ARSK: variants seen among roughly 807,000 people sequenced by gnomAD.
ARSK encodes arylsulfatase K.
A neutral mutation model predicts 53.2 loss-of-function variants in ARSK; 37 were observed. The observed-to-expected ratio is 0.70, with a 90% CI of 0.54 to 0.92. ARSK has a LOEUF of 0.92. ARSK is among the 40% of genes least tolerant of loss of function. The pLI, the probability that ARSK is intolerant of heterozygous loss-of-function variation, is 0.00. For missense variants in ARSK, 613 were observed against 643.0 expected (o/e 0.95, Z 0.51); for synonymous variants, 208 against 223.2 (o/e 0.93, Z 0.61).
Position 95,586,569 on chromosome 5 carries a change from A to G in ARSK, c.707A>G (p.His236Arg), listed in dbSNP as rs370775377. The G allele has an allele frequency of 7.4e-6, 12 of 1,611,418 alleles. No homozygotes were observed. The highest frequency in any genetic ancestry group is 1.3e-5 in the African/African-American group (1 of 74,902). The change falls in exon 5 of 8, where the codon CAT becomes CGT. Residue 236 changes from histidine (H) to arginine (R), a missense_variant. Coordinates refer to ENST00000380009, the MANE Select transcript of ARSK (RefSeq NM_198150.3). ...TSLYWLEKVS[H>R]DAIKIPKWSP... ...TTTTTCTCCCCTTTTTAGGTGTCTC[A>G]TGATGCCATCAAAATCCCAAAGTGG... is the stretch of plus-strand genomic sequence containing the variant.
intron 6 of ARSK, among the ~76,000 whole-genome samples, chr5:95,592,297 T>G (rs1012440163): frequency 2.0e-4 from 31 of 152,140 alleles, no homozygotes; most frequent in African/African-American, 7.5e-4. Context: ...CCTCAATTCA[T>G]AAATTTTGGT....
At chr5:95,592,898 TCCCTTTATC>T (rs1749243235) in intron 6 of ARSK, among the ~76,000 whole-genome samples, 1 of 152,128 alleles carries the variant, frequency 6.6e-6, no homozygotes, top group African/African-American at 2.4e-5. Flanking sequence ...TTTGCTGGTT[TCCCTTTATC>T]CCAAAGTAAT....
At chr5:95,594,076 A>G (rs1049961611) in intron 6 of ARSK, among the ~76,000 whole-genome samples, 2 of 152,218 alleles carry the variant, frequency 1.3e-5, no homozygotes, top group African/African-American at 4.8e-5. Flanking sequence ...TTCACATTGA[A>G]TATTATTTTT....
At position 95,600,354 on chromosome 5, in the gene ARSK, TTTTG is replaced by T. The variant is rs1187305412; in HGVS notation, c.1097-489_1097-486del. On this transcript the variant is annotated intron_variant, in intron 6 of 7. Transcript: ENST00000380009. Reference sequence around the variant, plus strand: ...ATCTACAACAAACTTATGTATTTAATTTTGTTTAACCATTGTTTTGCAAACATAT... The same window carrying T: ...ATCTACAACAAACTTATGTATTTAATTTTAACCATTGTTTTGCAAACATAT... Among the ~76,000 whole-genome samples the T allele has an allele frequency of 3.3e-5, 5 of 152,220 alleles. 1 individual carries two copies. The South Asian group carries it at 6.2e-4, about 19-fold the overall frequency.
intron 4 of ARSK, among the ~76,000 whole-genome samples, chr5:95,584,080 G>T (rs552169449): frequency 6.6e-6 from 1 of 152,206 alleles, no homozygotes; most frequent in Admixed American, 6.5e-5. Flanking sequence ...ATTTACATTT[G>T]ATTTGAATTT....
chr5:95,557,757 C>CA (rs1185883432), intron 1 of ARSK, among the ~76,000 whole-genome samples: 1 of 152,168 alleles, frequency 6.6e-6, no homozygotes, highest in Non-Finnish European at 1.5e-5. Context: ...AAGAAAATAG[C>CA]AAATTGGTTT....
intron 1 of ARSK, among the ~76,000 whole-genome samples, chr5:95,563,881 A>G (rs1748679628): frequency 6.6e-6 from 1 of 152,164 alleles, no homozygotes; most frequent in Admixed American, 6.6e-5. Flanking sequence ...TTGTAACCAT[A>G]AGACATATAT....
At position 95,576,247 on chromosome 5, in the gene ARSK, G is replaced by T. The variant is rs565784597; in HGVS notation, c.417-6669G>T. Among the ~76,000 whole-genome samples, 70 of 143,794 alleles carry T rather than the reference G, an allele frequency of 4.9e-4. 1 individual carries two copies. Among genetic ancestry groups the T allele is most frequent in the African/African-American group, 1.8e-3 (70 of 38,160 alleles). The allele number at this position is 143,794 out of a possible 152,430, so 94.3% of individuals were successfully genotyped here. On this transcript the variant is annotated intron_variant, in intron 3 of 7. Transcript: ENST00000380009. ...TGGATTCTTGCTCTGTCACTAGGCT[G>T]GAGTGCAGTGGCACGATCTCAGCTC...
rs1215886936 is a variant in ARSK, at chr5:95,582,935, A to T, written c.436A>T (p.Thr146Ser). 6.2e-7 allele frequency: 1 copy of T among 1,609,556 alleles called. No individual in the cohort carries two copies. Among genetic ancestry groups the T allele is most frequent in the Non-Finnish European group, 8.5e-7 (1 of 1,176,990 alleles). ...CCTCAGTAATCGTGTGGAAGCGTGGACAAGAGATGTTGCTTTCTTACTCAG... is the reference window on the plus strand; with the variant it reads ...CCTCAGTAATCGTGTGGAAGCGTGGTCAAGAGATGTTGCTTTCTTACTCAG... ...HSISNRVEAW[T>S]RDVAFLLRQE... is the part of the protein sequence containing the mutation. The change falls in exon 4 of 8, where the codon ACA becomes TCA. Residue 146 changes from threonine (T) to serine (S), a missense_variant. Coordinates refer to ENST00000380009, the MANE Select transcript of ARSK (RefSeq NM_198150.3).
At chr5:95,594,834 C>T (rs994980052) in intron 6 of ARSK, among the ~76,000 whole-genome samples, 2 of 116,286 alleles carry the variant, frequency 1.7e-5, no homozygotes, top group South Asian at 6.5e-4. Flanking sequence ...AGCGAGACTA[C>T]GTCTCAAACA....
chr5:95,591,942 TACC>T lies in ARSK; in HGVS notation c.1096+324_1096+326del, dbSNP rs549438308. ...ATGATTTGTACATCATTTGATTGTC[TACC>T]ACCACCTCCTTAAAATGTAAGCATT... On this transcript the variant is annotated intron_variant, in intron 6 of 7. Coordinates refer to ENST00000380009, the MANE Select transcript of ARSK (RefSeq NM_198150.3). Among the ~76,000 whole-genome samples the T allele has an allele frequency of 1.7e-3, 260 of 152,370 alleles. 2 individuals are homozygous for T. The highest frequency in any genetic ancestry group is 6.0e-3 in the African/African-American group (250 of 41,598).
At chr5:95,595,678 G>A (rs1580230945) in intron 6 of ARSK, among the ~76,000 whole-genome samples, 1 of 151,082 alleles carries the variant, frequency 6.6e-6, no homozygotes, top group Non-Finnish European at 1.5e-5. Flanking sequence ...AAGGGAGAGG[G>A]AGGGAGGGAG....
In ARSK at chr5:95,586,662, T is replaced by A. The variant is rs370101671; in HGVS notation, c.800T>A (p.Phe267Tyr). The A allele has an allele frequency of 3.1e-6, 5 of 1,611,594 alleles. No homozygotes were observed. Among genetic ancestry groups the A allele is most frequent in the Non-Finnish European group, 4.2e-6 (5 of 1,178,600 alleles). The change falls in exon 5 of 8, where the codon TTT (phenylalanine) becomes TAT (tyrosine). Residue 267 changes from phenylalanine to tyrosine, a missense_variant. Phe to Tyr is a conservative substitution (Grantham distance 22, BLOSUM62 3). Transcript: ENST00000380009. ...TATACAAAAAACTGCACTGGAAGATTTACAAAAAAAGAAATTAAGAATATT... is the reference window on the plus strand; with the variant it reads ...TATACAAAAAACTGCACTGGAAGATATACAAAAAAAGAAATTAAGAATATT... The part of the protein sequence containing the change: ...SSYTKNCTGR[F>Y]TKKEIKNIRA...
rs115303503 is a variant in ARSK, at chr5:95,589,198, A to G, written c.872-2203A>G. ...TACTTTATACCTTGTCAGGTTGTTT[A>G]CATAGTAATACTAATTATTCGTCTG... On this transcript the variant is annotated intron_variant, in intron 5 of 7. Transcript: ENST00000380009. 6.8e-3 allele frequency among the ~76,000 whole-genome samples: 1,039 copies of G among 152,304 alleles called. 27 individuals carry two copies. The highest frequency in any genetic ancestry group is 0.05 in the Admixed American group (768 of 15,292).
chr5:95,597,943 A>C (rs1580232156), intron 6 of ARSK, among the ~76,000 whole-genome samples: 1 of 152,148 alleles, frequency 6.6e-6, no homozygotes, highest in East Asian at 1.9e-4. Context: ...ATAGCTCAGA[A>C]CAATGCCTGG....
chr5:95,577,591 C>T (rs1748946813), intron 3 of ARSK, among the ~76,000 whole-genome samples: 1 of 151,940 alleles, frequency 6.6e-6, no homozygotes, highest in Admixed American at 6.6e-5. Flanking sequence ...CTACATTAAA[C>T]ATGTATACTC....
In ARSK at chr5:95,555,367, A is replaced by T; in HGVS notation, c.89A>T (p.Lys30Ile). The change falls in exon 1 of 8, where the codon AAA (lysine) becomes ATA (isoleucine). Residue 30 changes from lysine (K) to isoleucine (I), a missense_variant. By Grantham distance (102) the Lys-to-Ile change is moderately radical (BLOSUM62 -3). Transcript: ENST00000380009. The surrounding 1 kb of genome is among the most constrained non-coding windows in gnomAD (Gnocchi z 4.0). Reference protein sequence around the residue: ...GAGEQRRRAAKAPNVVLVVSD... With the variant: ...GAGEQRRRAAIAPNVVLVVSD... ...GGGGAGCAGAGGCGGAGAGCAGCCAAAGCGCCCAATGTGGTGCTGGTCGTG... is the reference window on the plus strand; with the variant it reads ...GGGGAGCAGAGGCGGAGAGCAGCCATAGCGCCCAATGTGGTGCTGGTCGTG... The T allele has an allele frequency of 1.2e-6, 2 of 1,610,554 alleles. No individual in the cohort carries two copies. Among genetic ancestry groups the T allele is most frequent in the Non-Finnish European group, 1.7e-6 (2 of 1,179,226 alleles).
At chr5:95,585,261 G>A (rs1445221226) in intron 4 of ARSK, among the ~76,000 whole-genome samples, 1 of 152,204 alleles carries the variant, frequency 6.6e-6, no homozygotes, top group Non-Finnish European at 1.5e-5. Flanking sequence ...GGAAAACAGT[G>A]TGGAGATTCC....
Position 95,605,089 on chromosome 5 carries a change from G to A in ARSK, c.*1563G>A, listed in dbSNP as rs974487120. 6.6e-6 allele frequency: 1 copy of A among 151,908 alleles called. No individual in the cohort carries two copies. The highest frequency in any genetic ancestry group is 1.5e-5 in the Non-Finnish European group (1 of 67,992). 9.4% of individuals were successfully genotyped at this position (151,908 alleles called of 1,614,324 possible). Reference sequence around the variant, plus strand: ...ACAGATCTTTGCTTTTGTGGCTTTTGGGATTTTGTATCATATTTAGAATGG... The same window carrying A: ...ACAGATCTTTGCTTTTGTGGCTTTTAGGATTTTGTATCATATTTAGAATGG... On this transcript the variant is annotated 3_prime_UTR_variant, in exon 8 of 8. Transcript: ENST00000380009.
Sources: gnomAD v4.1 joint callset for allele counts (sites outside exome capture counted in the v4.1 genomes callset) on GRCh38, gnomAD v4.1.1 for gene constraint, Gnocchi (gnomAD v3.1) non-coding constraint, MANE v1.5 for transcripts, NCBI Gene and HGNC (gene_info 2026-07-23, HGNC 2026-07-21) for gene names.